PARD3: variants seen among roughly 807,000 people sequenced by gnomAD.
PARD3 encodes par-3 family cell polarity regulator, also known as partitioning defective 3 homolog.
A neutral mutation model predicts 155.4 loss-of-function variants in PARD3; 75 were observed. That is an observed-to-expected ratio of 0.48 (90% confidence interval 0.40 to 0.58). PARD3 has a LOEUF of 0.58. PARD3 is among the 20% of genes least tolerant of loss of function. The pLI is 0.00. For synonymous variants in PARD3, 576 were observed against 610.5 expected (o/e 0.94, Z 0.83); for missense variants, 1,642 against 1,721.7 (o/e 0.95, Z 0.82).
chr10:34,216,736 C>A (rs183846136), intron 22 of PARD3, among the ~76,000 whole-genome samples: 34 of 152,298 alleles, frequency 2.2e-4, no homozygotes, highest in African/African-American at 8.2e-4. Context: ...AGCAGAATAG[C>A]TGCTTTAAAT....
At chr10:34,114,616 A>C (rs1240004603) in intron 24 of PARD3, among the ~76,000 whole-genome samples, 1 of 152,188 alleles carries the variant, frequency 6.6e-6, no homozygotes, top group African/African-American at 2.4e-5. Context: ...TAGTCCTGGG[A>C]TTACAGGCAT....
chr10:34,375,147 C>T, intron 10 of PARD3, 145 bp from the exon 11 acceptor site: 1 of 636,054 alleles, frequency 1.6e-6, no homozygotes, highest in Admixed American at 3.0e-5. Context: ...ATGCACAATT[C>T]TGCCATGATC....
At position 34,189,731 on chromosome 10, in the gene PARD3, A is replaced by G. The variant is rs187983421; in HGVS notation, c.3420-58148T>C. 9.8e-5 allele frequency among the ~76,000 whole-genome samples: 15 copies of G among 152,350 alleles called. No homozygotes were observed. In the East Asian group the frequency reaches 2.7e-3, roughly 27 times the overall value. Reference sequence around the variant, plus strand: ...GAGCTGAACTAGCCACCTGCTTCACAGAACACCACTTTTCCCAAAAAAGGA... The same window carrying G: ...GAGCTGAACTAGCCACCTGCTTCACGGAACACCACTTTTCCCAAAAAAGGA... On this transcript the variant is annotated intron_variant, in intron 22 of 24. Transcript: ENST00000374788.
intron 1 of PARD3, among the ~76,000 whole-genome samples, chr10:34,758,912 T>C (rs754711854): frequency 1.3e-5 from 2 of 152,128 alleles, no homozygotes; most frequent in Non-Finnish European, 2.9e-5. Flanking sequence ...TAGGTCATGA[T>C]AGATGGTTGT....
intron 22 of PARD3, among the ~76,000 whole-genome samples, chr10:34,229,392 G>C (rs1391739744): frequency 6.6e-6 from 1 of 151,780 alleles, no homozygotes; most frequent in Admixed American, 6.6e-5. Flanking sequence ...GCTAATTTTA[G>C]AATTTTAGAA....
intron 2 of PARD3, among the ~76,000 whole-genome samples, chr10:34,636,584 A>G (rs1054625653): frequency 3.2e-4 from 48 of 152,342 alleles, no homozygotes; most frequent in African/African-American, 9.9e-4. Context: ...TCACCTCACG[A>G]AGAGTCAAAG....
Position 34,476,275 on chromosome 10 carries a change from C to A in PARD3, c.404-6012G>T, listed in dbSNP as rs186526647. Reference sequence around the variant, plus strand: ...ATTAATTTTGTTTCTTCATCAAAAACAGTGGGTGAAAATGGCTTTTAAAAA... The same window carrying A: ...ATTAATTTTGTTTCTTCATCAAAAAAAGTGGGTGAAAATGGCTTTTAAAAA... On this transcript the variant is annotated intron_variant, in intron 3 of 24. Transcript: ENST00000374788. Among the ~76,000 whole-genome samples, 225 of 152,196 alleles carry A rather than the reference C, an allele frequency of 1.5e-3. 4 individuals are homozygous for A. The highest frequency in any genetic ancestry group is 0.014 in the Admixed American group (220 of 15,292).
chr10:34,346,601 C>T (rs12247156), intron 15 of PARD3, among the ~76,000 whole-genome samples: 29,808 of 152,068 alleles, frequency 0.2, 3,573 homozygotes, highest in African/African-American at 0.33. Flanking sequence ...CAAGAAAGTA[C>T]AGAAAATCCA....
At chr10:34,479,544 G>A (rs759975342) in intron 3 of PARD3, among the ~76,000 whole-genome samples, 26 of 152,016 alleles carry the variant, frequency 1.7e-4, no homozygotes, top group Non-Finnish European at 2.5e-4. Context: ...TGCCGCAATC[G>A]AGACTTAGGG....
intron 2 of PARD3, among the ~76,000 whole-genome samples, chr10:34,677,350 C>T (rs2093728332): frequency 6.6e-6 from 1 of 151,784 alleles, no homozygotes; most frequent in African/African-American, 2.4e-5. Flanking sequence ...TGTAGTAGCA[C>T]ATGCCTGTGG....
intron 2 of PARD3, among the ~76,000 whole-genome samples, chr10:34,626,722 T>C (rs2091996197): frequency 2.6e-5 from 4 of 152,202 alleles, no homozygotes. Context: ...AAGAAGAACA[T>C]GGTTATGACA....
intron 15 of PARD3, chr10:34,346,110 G>C (rs1164297720): frequency 2.0e-6 from 2 of 1,006,524 alleles, no homozygotes; most frequent in Non-Finnish European, 2.4e-6. Flanking sequence ...AGAACTGGGA[G>C]AGAAGTTACT....
chr10:34,445,987 G>C (rs1216518216), intron 5 of PARD3, among the ~76,000 whole-genome samples: 1 of 152,116 alleles, frequency 6.6e-6, no homozygotes, highest in African/African-American at 2.4e-5. Context: ...CTATACTGGT[G>C]CTTTTACTCC....
At chr10:34,777,475 G>GCT (rs1839731691) in intron 1 of PARD3, among the ~76,000 whole-genome samples, 1 of 152,162 alleles carries the variant, frequency 6.6e-6, no homozygotes. Flanking sequence ...CGCACAGGGG[G>GCT]CTCTTAGAGG....
intron 7 of PARD3, among the ~76,000 whole-genome samples, chr10:34,386,233 T>A (rs1442191491): frequency 1.3e-5 from 2 of 152,190 alleles, no homozygotes; most frequent in East Asian, 3.8e-4. Context: ...TCTAAAAATA[T>A]TAGTGACTAG....
At chr10:34,745,446 A>AAG (rs1835186587) in intron 1 of PARD3, among the ~76,000 whole-genome samples, 3 of 126,812 alleles carry the variant, frequency 2.4e-5, no homozygotes, top group Admixed American at 7.9e-5. Context: ...GAGAGAGGGA[A>AAG]AGAGAGAGAA....
chr10:34,282,094 T>A (rs1956186253), intron 21 of PARD3, among the ~76,000 whole-genome samples: 1 of 124,958 alleles, frequency 8.0e-6, no homozygotes, highest in Non-Finnish European at 1.8e-5. Context: ...GCTTGCCCTA[T>A]TAAAATACAA....
At chr10:34,785,760 C>A (rs907754581) in intron 1 of PARD3, among the ~76,000 whole-genome samples, 16 of 152,026 alleles carry the variant, frequency 1.1e-4, no homozygotes, top group African/African-American at 3.6e-4. Context: ...AAGACATGGG[C>A]GGACCGTGTG....
chr10:34,346,198 T>C (rs1253371713), intron 15 of PARD3: 2 of 1,126,766 alleles, frequency 1.8e-6, no homozygotes, highest in Non-Finnish European at 1.1e-6. Flanking sequence ...TCAACTATAA[T>C]GCAAACCGAA....
Sources: allele counts gnomAD v4.1 joint callset (sites outside exome capture counted in the v4.1 genomes callset), GRCh38; gene constraint gnomAD v4.1.1; transcripts MANE v1.5; gene names NCBI Gene and HGNC (gene_info 2026-07-23, HGNC 2026-07-21).